The following PAK5 variants were observed in gnomAD, a reference collection of about 807,000 sequenced individuals.
PAK5 encodes p21 (RAC1) activated kinase 5.
Under a neutral mutation model 65.9 loss-of-function variants are expected in PAK5, and 16 were observed. The ratio of observed to expected loss-of-function variants is 0.24; its 90% CI spans 0.16 to 0.37. The LOEUF is 0.37. Among genes scored for constraint, PAK5 ranks in the 10% least tolerant of loss-of-function variants. The pLI is 1.00. For missense variants in PAK5, 785 were observed against 903.9 expected (o/e 0.87, Z 1.69); for synonymous variants, 371 against 354.9 (o/e 1.05, Z -0.51).
chr20:9,771,120 G>T (rs6141032), intron 1 of PAK5, among the ~76,000 whole-genome samples: 4 of 151,598 alleles, frequency 2.6e-5, no homozygotes, highest in Admixed American at 2.6e-4. Flanking sequence ...TTGTGGGAAA[G>T]CTCCTATAAT....
Position 9,580,565 on chromosome 20 carries a change from G to A in PAK5, c.570C>T (p.Ser190=), listed in dbSNP as rs765890722. ...AATCGGCAGAAAATCTGGCAAAATC[G>A]GATTTCAAAGGCTTCACCTCAGAAT... ...AYYSEVKPLK[S]DFARFSADYH... The change falls in exon 4 of 10, where the codon TCC becomes TCT. Residue 190 remains serine, a synonymous_variant. Coordinates refer to ENST00000353224, the MANE Select transcript of PAK5 (RefSeq NM_177990.4). The A allele has an allele frequency of 1.1e-5, 18 of 1,613,920 alleles. No individual in the cohort carries two copies. Among genetic ancestry groups the A allele is most frequent in the Admixed American group, 3.3e-5 (2 of 59,988 alleles).
intron 2 of PAK5, among the ~76,000 whole-genome samples, chr20:9,665,391 CT>C (rs1419726739): frequency 6.6e-6 from 1 of 152,156 alleles, no homozygotes; most frequent in African/African-American, 2.4e-5. Context: ...TGGCTGGAGA[CT>C]TTAATTTTCA....
intron 3 of PAK5, among the ~76,000 whole-genome samples, chr20:9,582,406 T>C (rs1405606464): frequency 1.3e-5 from 2 of 152,190 alleles, no homozygotes; most frequent in Admixed American, 6.5e-5. Context: ...CTGGTGTTTT[T>C]CCCATGTTTA....
chr20:9,650,094 C>T (rs994347442), intron 2 of PAK5, among the ~76,000 whole-genome samples: 1 of 152,168 alleles, frequency 6.6e-6, no homozygotes, highest in Non-Finnish European at 1.5e-5. Context: ...GAGAGTCCTC[C>T]ATTCTACATG....
intron 3 of PAK5, among the ~76,000 whole-genome samples, chr20:9,604,648 C>T (rs1201411542): frequency 6.6e-6 from 1 of 152,214 alleles, no homozygotes; most frequent in Non-Finnish European, 1.5e-5. Flanking sequence ...AACTTGTGAC[C>T]TCTAATGACT....
At chr20:9,827,934 C>A (rs531047009) in intron 1 of PAK5, among the ~76,000 whole-genome samples, 1 of 152,208 alleles carries the variant, frequency 6.6e-6, no homozygotes, top group Non-Finnish European at 1.5e-5. Flanking sequence ...CGGGTTCAAG[C>A]GATTCTCTTG....
rs547947698 is a variant in PAK5 at position 9,775,634 on chromosome 20, C to T, written c.-162+63128G>A. Among the ~76,000 whole-genome samples, 6 of 152,276 alleles carry T rather than the reference C, an allele frequency of 3.9e-5. No individual in the cohort carries two copies. In the East Asian group the frequency reaches 9.6e-4, roughly 24 times the overall value. ...GCAGCAAAGGGCAAATGTATTAATG[C>T]ACCTTAACCAAGGTAATTATTACAA... is the stretch of plus-strand genomic sequence containing the variant. On this transcript the variant is annotated intron_variant, in intron 1 of 9. Coordinates refer to ENST00000353224, the MANE Select transcript of PAK5 (RefSeq NM_177990.4).
chr20:9,676,570 T>A (rs1354850254), intron 2 of PAK5, among the ~76,000 whole-genome samples: 1 of 152,198 alleles, frequency 6.6e-6, no homozygotes, highest in South Asian at 2.1e-4. Context: ...TCAGCTTTGC[T>A]GGAAAACATG....
intron 1 of PAK5, among the ~76,000 whole-genome samples, chr20:9,803,741 A>G (rs934262393): frequency 4.6e-5 from 7 of 152,146 alleles, no homozygotes; most frequent in Admixed American, 3.9e-4. Flanking sequence ...GTAGAATTTA[A>G]ATAAGTAGGA....
intron 4 of PAK5, among the ~76,000 whole-genome samples, chr20:9,573,011 T>C (rs947983438): frequency 1.3e-5 from 2 of 152,074 alleles, no homozygotes; most frequent in African/African-American, 4.8e-5. Context: ...TCATTGAAAA[T>C]TGGATACATT....
intron 2 of PAK5, among the ~76,000 whole-genome samples, chr20:9,691,035 G>A (rs1219713293): frequency 3.9e-5 from 6 of 152,060 alleles, no homozygotes; most frequent in African/African-American, 1.2e-4. Context: ...GATTACAGGT[G>A]TGAGCCATGG....
intron 1 of PAK5, among the ~76,000 whole-genome samples, chr20:9,747,091 T>C: frequency 6.6e-6 from 1 of 152,004 alleles, no homozygotes; most frequent in Non-Finnish European, 1.5e-5. Flanking sequence ...CTAGAAGAAA[T>C]GGATAAATTC....
chr20:9,707,464 A>C (rs917974229), intron 2 of PAK5, among the ~76,000 whole-genome samples: 11 of 152,246 alleles, frequency 7.2e-5, no homozygotes, highest in Admixed American at 2.6e-4. Flanking sequence ...TTACTCTGTA[A>C]TCTTTTATTC....
At chr20:9,553,250 A>G (rs186160729) in intron 7 of PAK5, among the ~76,000 whole-genome samples, 1 of 152,262 alleles carries the variant, frequency 6.6e-6, no homozygotes, top group East Asian at 1.9e-4. Flanking sequence ...GTTGCCAACT[A>G]GTCAGCTAAC....
chr20:9,539,088 C>CTTT lies in PAK5; in HGVS notation c.*371_*373dup, dbSNP rs556134977. On this transcript the variant is annotated 3_prime_UTR_variant, in exon 10 of 10. Transcript: ENST00000353224. Reference sequence around the variant, plus strand: ...AAGTGCTTTTTGTTTTCCTTTCTTTCTTTTTTTTTTTTTTTTGCCAGAAAA... The same window carrying CTTT: ...AAGTGCTTTTTGTTTTCCTTTCTTTCTTTTTTTTTTTTTTTTTTTGCCAGAAAA... The CTTT allele has an allele frequency of 0.016, 3,335 of 211,302 alleles. 39 individuals are homozygous for CTTT. The highest frequency in any genetic ancestry group is 0.021 in the Non-Finnish European group (2,277 of 109,792). 13.1% of individuals were successfully genotyped at this position (211,302 alleles called of 1,614,324 possible).
At chr20:9,726,187 A>G (rs896228738) in intron 1 of PAK5, among the ~76,000 whole-genome samples, 3 of 152,114 alleles carry the variant, frequency 2.0e-5, no homozygotes, top group Non-Finnish European at 4.4e-5. Context: ...TTTGTCATAA[A>G]TAAGTTTCCC....
intron 3 of PAK5, among the ~76,000 whole-genome samples, chr20:9,584,519 G>A (rs1269602132): frequency 6.6e-6 from 1 of 152,090 alleles, no homozygotes; most frequent in Non-Finnish European, 1.5e-5. Flanking sequence ...CACCATGTTG[G>A]TCAGGCTGGT....
At chr20:9,824,663 A>G (rs2049463271) in intron 1 of PAK5, among the ~76,000 whole-genome samples, 1 of 152,092 alleles carries the variant, frequency 6.6e-6, no homozygotes, top group African/African-American at 2.4e-5. Flanking sequence ...CACTTTCTCA[A>G]TTATACCTAT....
rs540944111 is a variant in PAK5, at chr20:9,766,495, AAT to A, written c.-161-55062_-161-55061del. 4.3e-3 allele frequency among the ~76,000 whole-genome samples: 151 copies of A among 35,172 alleles called. 15 individuals carry two copies. The highest frequency in any genetic ancestry group is 9.5e-3 in the African/African-American group (41 of 4,336). 23.1% of individuals were successfully genotyped at this position (35,172 alleles called of 152,430 possible). On this transcript the variant is annotated intron_variant, in intron 1 of 9. Coordinates refer to ENST00000353224, the MANE Select transcript of PAK5 (RefSeq NM_177990.4). ...TATATGTATATATATATTCAAGCAG[AAT>A]ATATATATATATATATTCAAGCAGA...
Sources: allele counts gnomAD v4.1 joint callset (sites outside exome capture counted in the v4.1 genomes callset), GRCh38; gene constraint gnomAD v4.1.1; transcripts MANE v1.5; gene names NCBI Gene and HGNC (gene_info 2026-07-23, HGNC 2026-07-21).